AGBL4: variants seen among roughly 807,000 people sequenced by gnomAD.
AGBL4 encodes AGBL carboxypeptidase 4, also known as cytosolic carboxypeptidase 6.
Under a neutral mutation model 66.4 loss-of-function variants are expected in AGBL4, and 58 were observed. The observed-to-expected ratio is 0.87, with a 90% confidence interval of 0.71 to 1.09. AGBL4 has a LOEUF of 1.09. AGBL4 is among the 50% of genes least tolerant of loss of function. The pLI, the probability that AGBL4 is intolerant of heterozygous loss-of-function variation, is 0.00. For synonymous variants in AGBL4, 234 were observed against 222.9 expected (o/e 1.05, Z -0.44); for missense variants, 579 against 631.0 (o/e 0.92, Z 0.88).
At chr1:49,239,729 C>G (rs999676745) in intron 4 of AGBL4, among the ~76,000 whole-genome samples, 1 of 152,026 alleles carries the variant, frequency 6.6e-6, no homozygotes, top group African/African-American at 2.4e-5. Flanking sequence ...TTATTGAATA[C>G]CTGTTATGTA....
rs1571170207 is a variant in AGBL4 at position 49,611,698 on chromosome 1, G to A, written c.282+85615C>T. ...GGCCAGTATCAACCATATTCTTAGA[G>A]GTAGACTCTTGCTATTACCAAACAC... is the stretch of plus-strand genomic sequence containing the variant. On this transcript the variant is annotated intron_variant, in intron 3 of 13. Transcript: ENST00000371839. Among the ~76,000 whole-genome samples the A allele has an allele frequency of 2.0e-5, 3 of 152,134 alleles. No individual in the cohort carries two copies. The South Asian group carries it at 6.2e-4, about 32-fold the overall frequency.
chr1:49,159,710 T>C (rs1646504016), intron 4 of AGBL4, among the ~76,000 whole-genome samples: 1 of 152,190 alleles, frequency 6.6e-6, no homozygotes, highest in East Asian at 1.9e-4. Flanking sequence ...CAATCAAACA[T>C]AGATTTGGTC....
intron 2 of AGBL4, among the ~76,000 whole-genome samples, chr1:49,832,916 G>A (rs926208961): frequency 5.9e-5 from 9 of 152,044 alleles, no homozygotes; most frequent in African/African-American, 1.9e-4. Context: ...TGAGTAGGTT[G>A]TGAAAATTTT....
intron 1 of AGBL4, among the ~76,000 whole-genome samples, chr1:49,929,194 C>T (rs1405489544): frequency 6.6e-6 from 1 of 151,858 alleles, no homozygotes. Flanking sequence ...ATTGAAAAAC[C>T]ACCTATTGGG....
At chr1:49,392,503 A>T (rs1437367356) in intron 3 of AGBL4, among the ~76,000 whole-genome samples, 1 of 152,184 alleles carries the variant, frequency 6.6e-6, no homozygotes, top group Non-Finnish European at 1.5e-5. Flanking sequence ...ATAGTGAACC[A>T]CTAATGTACT....
intron 4 of AGBL4, among the ~76,000 whole-genome samples, chr1:49,105,743 T>C (rs1645280740): frequency 6.6e-6 from 1 of 152,168 alleles, no homozygotes; most frequent in South Asian, 2.1e-4. Flanking sequence ...AATAGCTACC[T>C]CATAAGAGTA....
chr1:48,620,296 G>A (rs867536389), intron 9 of AGBL4, among the ~76,000 whole-genome samples: 1 of 151,662 alleles, frequency 6.6e-6, no homozygotes, highest in Admixed American at 6.6e-5. Flanking sequence ...TAAGAGACAG[G>A]GTCTCACTCT....
At chr1:49,639,907 G>A (rs1420703864) in intron 3 of AGBL4, among the ~76,000 whole-genome samples, 2 of 152,122 alleles carry the variant, frequency 1.3e-5, no homozygotes, top group African/African-American at 2.4e-5. Context: ...CAGATAGTAA[G>A]TTAAATATGA....
chr1:48,742,610 C>T, intron 6 of AGBL4: 1 of 1,538,374 alleles, frequency 6.5e-7, no homozygotes, highest in Non-Finnish European at 8.8e-7. Context: ...GGATATTGAG[C>T]TTAAAACACT....
At chr1:49,363,893 A>G (rs1557871612) in intron 3 of AGBL4, among the ~76,000 whole-genome samples, 1 of 152,246 alleles carries the variant, frequency 6.6e-6, no homozygotes, top group Non-Finnish European at 1.5e-5. Context: ...ATAGCTGTAC[A>G]TAAAAAATAT....
At chr1:49,531,862 A>G (rs1352469222) in intron 3 of AGBL4, among the ~76,000 whole-genome samples, 2 of 152,162 alleles carry the variant, frequency 1.3e-5, no homozygotes, top group Non-Finnish European at 2.9e-5. Context: ...GAGTATAGAC[A>G]TAAGATAACA....
At chr1:49,818,595 G>A (rs963685653) in intron 2 of AGBL4, among the ~76,000 whole-genome samples, 2 of 151,874 alleles carry the variant, frequency 1.3e-5, no homozygotes, top group Admixed American at 6.6e-5. Flanking sequence ...TTGAACTCCT[G>A]GGCTCAGGTG....
chr1:48,653,617 T>C (rs994463542), intron 7 of AGBL4, among the ~76,000 whole-genome samples, 166 bp from the exon 8 acceptor site: 1 of 152,228 alleles, frequency 6.6e-6, no homozygotes, highest in Non-Finnish European at 1.5e-5. Context: ...CTGTATAAAC[T>C]GTATTTACAA....
At chr1:49,882,208 C>A (rs1175333304) in intron 1 of AGBL4, among the ~76,000 whole-genome samples, 3 of 150,026 alleles carry the variant, frequency 2.0e-5, no homozygotes. Context: ...AGATATGCGG[C>A]ATTATTTCTG....
intron 5 of AGBL4, among the ~76,000 whole-genome samples, chr1:48,888,963 C>T (rs1341856446): frequency 6.6e-6 from 1 of 152,192 alleles, no homozygotes; most frequent in Non-Finnish European, 1.5e-5. Context: ...CTCAGGGCAA[C>T]ACTCCCAATG....
intron 6 of AGBL4, among the ~76,000 whole-genome samples, chr1:48,677,505 C>T (rs535026645): frequency 1.3e-5 from 2 of 152,110 alleles, no homozygotes; most frequent in African/African-American, 2.4e-5. Flanking sequence ...CTGTGCCAGG[C>T]GCCAGGGGGC....
chr1:49,300,955 C>T (rs1644734298), intron 3 of AGBL4, among the ~76,000 whole-genome samples: 1 of 152,280 alleles, frequency 6.6e-6, no homozygotes, highest in African/African-American at 2.4e-5. Context: ...ACTTGCCTCT[C>T]TCATAGTTTG....
At chr1:48,885,508 G>A (rs1271355078) in intron 5 of AGBL4, among the ~76,000 whole-genome samples, 4 of 152,246 alleles carry the variant, frequency 2.6e-5, no homozygotes, top group African/African-American at 7.2e-5. Context: ...CCAGGACAGG[G>A]TCTAACACCA....
intron 4 of AGBL4, chr1:49,174,973 T>G (rs1179465188): frequency 6.6e-6 from 1 of 152,110 alleles, no homozygotes; most frequent in African/African-American, 2.4e-5. Flanking sequence ...GATGGAAGAA[T>G]AAATTCACTT....
Sources: allele counts gnomAD v4.1 joint callset (sites outside exome capture counted in the v4.1 genomes callset), GRCh38; gene constraint gnomAD v4.1.1; transcripts MANE v1.5; gene names NCBI Gene and HGNC (gene_info 2026-07-23, HGNC 2026-07-21).